The following DYM variants were observed in gnomAD, a reference collection of about 807,000 sequenced individuals.
DYM encodes the protein dymeclin.
A neutral mutation model predicts 93.1 loss-of-function variants in DYM; 78 were observed. The ratio of observed to expected loss-of-function variants is 0.84; its 90% confidence interval spans 0.70 to 1.01. The LOEUF (loss-of-function observed/expected upper bound fraction) is 1.01. DYM is among the 50% of genes least tolerant of loss of function. The probability of loss-of-function intolerance (pLI) is 0.00; values close to 1 mark genes in which losing one functional copy is unlikely to be tolerated. For synonymous variants in DYM, 321 were observed against 319.7 expected (o/e 1.00, Z -0.04); for missense variants, 789 against 845.0 (o/e 0.93, Z 0.82).
intron 16 of DYM, among the ~76,000 whole-genome samples, 164 bp from the exon 17 acceptor site, chr18:49,097,679 G>C (rs1406017259): frequency 6.6e-6 from 1 of 152,182 alleles, no homozygotes; most frequent in East Asian, 1.9e-4. Context: ...CGTTGGGTTT[G>C]ATAGCCGAAT....
chr18:49,251,971 T>G (rs1337221403), intron 13 of DYM, among the ~76,000 whole-genome samples: 2 of 151,902 alleles, frequency 1.3e-5, no homozygotes, highest in Non-Finnish European at 1.5e-5. Context: ...CCCAGCACTT[T>G]GGGAGGCTAA....
At chr18:49,442,398 A>T (rs539217580) in intron 1 of DYM, among the ~76,000 whole-genome samples, 20 of 94 alleles carry the variant, frequency 0.21, no homozygotes, top group South Asian at 0.5. Flanking sequence ...AAAAATAAAC[A>T]AATTAGCCCA....
chr18:49,146,312 C>T (rs1417882596), intron 15 of DYM, among the ~76,000 whole-genome samples: 1 of 152,196 alleles, frequency 6.6e-6, no homozygotes, highest in East Asian at 1.9e-4. Context: ...TCTCACCACT[C>T]CTATTCAACA....
chr18:49,409,527 A>T (rs1408784053), intron 2 of DYM, among the ~76,000 whole-genome samples: 2 of 152,174 alleles, frequency 1.3e-5, no homozygotes, highest in African/African-American at 2.4e-5. Flanking sequence ...TGAATGATGG[A>T]ATAAAAAGAC....
chr18:49,256,853 G>A (rs2094401557), intron 13 of DYM, among the ~76,000 whole-genome samples, 157 bp downstream of exon 13: 1 of 152,094 alleles, frequency 6.6e-6, no homozygotes, highest in Admixed American at 6.5e-5. Context: ...AAAACAAAAT[G>A]GAACGAGCTA....
intron 6 of DYM, among the ~76,000 whole-genome samples, chr18:49,350,726 G>GAAAAAAAAAAAAAAAA (rs72289769): frequency 8.3e-6 from 1 of 119,928 alleles, no homozygotes; most frequent in Non-Finnish European, 1.8e-5. Context: ...GAAAAAAAAA[G>GAAAAAAAAAAAAAAAA]AAAAAAAAAA....
intron 17 of DYM, among the ~76,000 whole-genome samples, chr18:49,056,526 C>T (rs2075496622): frequency 6.6e-6 from 1 of 152,008 alleles, no homozygotes; most frequent in Non-Finnish European, 1.5e-5. Flanking sequence ...ATTCATGATT[C>T]CTGCTTTATT....
chr18:49,236,548 G>A (rs2093872502), intron 13 of DYM, among the ~76,000 whole-genome samples: 1 of 151,956 alleles, frequency 6.6e-6, no homozygotes, highest in Non-Finnish European at 1.5e-5. Flanking sequence ...AGAACTATTT[G>A]AATTTGATCA....
At chr18:49,117,349 GC>G (rs2081999576) in intron 16 of DYM, among the ~76,000 whole-genome samples, 1 of 152,154 alleles carries the variant, frequency 6.6e-6, no homozygotes, top group African/African-American at 2.4e-5. Context: ...TCATGAAAAA[GC>G]CATGAAAATC....
intron 2 of DYM, among the ~76,000 whole-genome samples, chr18:49,422,076 A>G (rs1170182226): frequency 1.3e-5 from 2 of 152,204 alleles, no homozygotes; most frequent in African/African-American, 4.8e-5. Flanking sequence ...GTTGGAAAAC[A>G]CTCTGCAGGA....
rs779278147 is a variant in DYM, at chr18:49,331,961, A to C, written c.666T>G (p.Phe222Leu). ...SKLVKTLLYN[F>L]IRQEKPPPPG... Reference sequence around the variant, plus strand: ...GAGGAGGTGGCTTTTCTTGTCTGATAAAGTTATATAATAAGGTCTTCACAA... The same window carrying C: ...GAGGAGGTGGCTTTTCTTGTCTGATCAAGTTATATAATAAGGTCTTCACAA... Residue 222 changes from phenylalanine to leucine, a missense_variant, in exon 8 of 18, where the codon TTT becomes TTG. Physicochemically the swap from Phe to Leu is conservative, Grantham distance 22. Coordinates refer to ENST00000675505, the MANE Select transcript of DYM (RefSeq NM_001353214.3). 9 of 1,614,092 alleles carry C rather than the reference A, an allele frequency of 5.6e-6. No individual in the cohort carries two copies. Among genetic ancestry groups the C allele is most frequent in the Non-Finnish European group, 7.6e-6 (9 of 1,179,976 alleles).
At chr18:49,297,647 G>A (rs927240764) in intron 8 of DYM, among the ~76,000 whole-genome samples, 5 of 152,064 alleles carry the variant, frequency 3.3e-5, no homozygotes, top group South Asian at 2.1e-4. Flanking sequence ...TATATATCAT[G>A]CTTCAAGTGC....
chr18:49,347,610 A>G (rs2064710720), intron 6 of DYM, among the ~76,000 whole-genome samples: 1 of 152,238 alleles, frequency 6.6e-6, no homozygotes, highest in African/African-American at 2.4e-5. Context: ...GTAAATAAGT[A>G]CACTGTGCAA....
intron 14 of DYM, among the ~76,000 whole-genome samples, chr18:49,190,962 A>G (rs1348728477): frequency 6.6e-6 from 1 of 152,192 alleles, no homozygotes; most frequent in Admixed American, 6.5e-5. Context: ...AATCAACTGT[A>G]TATTTTTTAG....
chr18:49,378,317 A>G (rs1264350889), intron 5 of DYM, among the ~76,000 whole-genome samples: 2 of 152,222 alleles, frequency 1.3e-5, no homozygotes, highest in African/African-American at 2.4e-5. Context: ...CACATGCATG[A>G]AAGTCAAAAT....
chr18:49,244,402 T>A (rs555646006), intron 13 of DYM, among the ~76,000 whole-genome samples: 1 of 152,178 alleles, frequency 6.6e-6, no homozygotes, highest in Non-Finnish European at 1.5e-5. Flanking sequence ...GGGGATCACA[T>A]GTTTAGAAAG....
At chr18:49,424,453 A>C (rs2148388714) in intron 2 of DYM, among the ~76,000 whole-genome samples, 1 of 152,184 alleles carries the variant, frequency 6.6e-6, no homozygotes, top group Non-Finnish European at 1.5e-5. Context: ...ACTGACTGGC[A>C]AAAACTGGAA....
At chr18:49,282,771 A>G (rs773182631) in intron 9 of DYM, among the ~76,000 whole-genome samples, 3 of 152,198 alleles carry the variant, frequency 2.0e-5, no homozygotes, top group Non-Finnish European at 4.4e-5. Context: ...CCCACCAATC[A>G]ATACAACTTA....
chr18:49,237,900 A>AAT (rs2093919510), intron 13 of DYM, among the ~76,000 whole-genome samples: 1 of 143,898 alleles, frequency 6.9e-6, no homozygotes, highest in East Asian at 2.2e-4. Context: ...TCAGTACCTT[A>AAT]CTCTTTTTTT....
Sources: allele counts gnomAD v4.1 joint callset (sites outside exome capture counted in the v4.1 genomes callset), GRCh38; gene constraint gnomAD v4.1.1; transcripts MANE v1.5; gene names NCBI Gene and HGNC (gene_info 2026-07-23, HGNC 2026-07-21).